The following ITGA1 variants were observed in gnomAD, a reference collection of about 807,000 sequenced individuals.
ITGA1 encodes the protein integrin subunit alpha 1.
ITGA1 carries 85 observed loss-of-function variants against 145.9 expected under a neutral mutation model. That is an observed-to-expected ratio of 0.58 (90% CI 0.49 to 0.70). The LOEUF (loss-of-function observed/expected upper bound fraction) is 0.70, where lower values mean the gene tolerates loss of function less well. ITGA1 is among the 30% of genes least tolerant of loss of function. The pLI is 0.00. For synonymous variants in ITGA1, 520 were observed against 495.3 expected (o/e 1.05, Z -0.66); for missense variants, 1,351 against 1,418.7 (o/e 0.95, Z 0.77).
intron 1 of ITGA1, among the ~76,000 whole-genome samples, chr5:52,798,671 G>A (rs1190418075): frequency 1.3e-5 from 2 of 152,094 alleles, no homozygotes; most frequent in African/African-American, 2.4e-5. Flanking sequence ...ATCTGAATCT[G>A]CATTTTTACG....
chr5:52,789,994 AT>A (rs1748207639), intron 1 of ITGA1, among the ~76,000 whole-genome samples: 1 of 152,218 alleles, frequency 6.6e-6, no homozygotes, highest in South Asian at 2.1e-4. Flanking sequence ...CACTATATTT[AT>A]GCCCATTTCG....
intron 8 of ITGA1, among the ~76,000 whole-genome samples, chr5:52,888,878 T>C (rs1750097763): frequency 6.6e-6 from 1 of 152,130 alleles, no homozygotes; most frequent in South Asian, 2.1e-4. Context: ...TGGCTTAAAG[T>C]CCTCTGATGA....
At chr5:52,873,741 C>T (rs529486600) in intron 6 of ITGA1, among the ~76,000 whole-genome samples, 6 of 152,272 alleles carry the variant, frequency 3.9e-5, no homozygotes, top group African/African-American at 1.4e-4. Context: ...GACATAAAGC[C>T]TGAGCTCTTT....
At chr5:52,870,391 A>G (rs1044068426) in intron 6 of ITGA1, among the ~76,000 whole-genome samples, 9 of 152,198 alleles carry the variant, frequency 5.9e-5, no homozygotes, top group African/African-American at 2.2e-4. Flanking sequence ...TAAGAGCTGG[A>G]CAGAGAACTT....
chr5:52,898,523 C>T (rs1048783056), intron 11 of ITGA1, 140 bp downstream of exon 11: 2 of 785,486 alleles, frequency 2.5e-6, no homozygotes, highest in African/African-American at 3.5e-5. Flanking sequence ...AGAACCCATG[C>T]AAAGTTTTAG....
At chr5:52,870,234 G>A (rs1388000808) in intron 6 of ITGA1, among the ~76,000 whole-genome samples, 1 of 152,116 alleles carries the variant, frequency 6.6e-6, no homozygotes, top group Non-Finnish European at 1.5e-5. Context: ...TTTAATGAAA[G>A]CATTCAATTC....
At chr5:52,913,321 G>A (rs566229000) in intron 14 of ITGA1, among the ~76,000 whole-genome samples, 1 of 152,094 alleles carries the variant, frequency 6.6e-6, no homozygotes, top group Non-Finnish European at 1.5e-5. Flanking sequence ...ATAATAAATT[G>A]CATTAAATTT....
intron 14 of ITGA1, among the ~76,000 whole-genome samples, chr5:52,914,567 T>A (rs547826134): frequency 6.8e-6 from 1 of 146,600 alleles, no homozygotes; most frequent in African/African-American, 2.5e-5. Flanking sequence ...ACCTGGGAAG[T>A]GAAGGTTGCA....
intron 28 of ITGA1, chr5:52,948,711 C>T (rs982727580): frequency 2.0e-5 from 3 of 152,176 alleles, no homozygotes; most frequent in Admixed American, 2.0e-4. Context: ...TTATTGGTGT[C>T]AAGGTTGTAC....
At chr5:52,876,612 C>T (rs556230002) in intron 6 of ITGA1, among the ~76,000 whole-genome samples, 7 of 152,004 alleles carry the variant, frequency 4.6e-5, no homozygotes, top group East Asian at 1.9e-4. Flanking sequence ...TTTGCTTATG[C>T]GAAATGTTAC....
intron 8 of ITGA1, among the ~76,000 whole-genome samples, chr5:52,892,233 G>A (rs1405482191): frequency 1.3e-5 from 2 of 152,074 alleles, no homozygotes; most frequent in Admixed American, 6.6e-5. Context: ...TTGTATGAAA[G>A]AGTCTCAACA....
chr5:52,906,103 A>G (rs1312189357), intron 12 of ITGA1, among the ~76,000 whole-genome samples, 195 bp downstream of exon 12: 1 of 152,204 alleles, frequency 6.6e-6, no homozygotes, highest in Non-Finnish European at 1.5e-5. Flanking sequence ...GTGTGGAGGT[A>G]AGATATACAA....
At chr5:52,834,745 A>G (rs1295215943) in intron 1 of ITGA1, among the ~76,000 whole-genome samples, 1 of 152,034 alleles carries the variant, frequency 6.6e-6, no homozygotes, top group African/African-American at 2.4e-5. Flanking sequence ...GAGATCTGGT[A>G]TCCCTTTCTT....
rs1751263478 is a variant in ITGA1 at position 52,953,737 on chromosome 5, T to A, written c.*1286T>A. The A allele has an allele frequency of 6.6e-6, 1 of 152,204 alleles. No individual in the cohort carries two copies. The highest frequency in any genetic ancestry group is 6.5e-5 in the Admixed American group (1 of 15,276). 9.4% of individuals were successfully genotyped at this position (152,204 alleles called of 1,614,324 possible). A position where few individuals can be genotyped will look rare whatever the true frequency, so the allele number is the denominator to read the frequency against. On this transcript the variant is annotated 3_prime_UTR_variant, in exon 29 of 29. Coordinates refer to ENST00000282588, the MANE Select transcript of ITGA1 (RefSeq NM_181501.2). The stretch of plus-strand genomic sequence containing the variant: ...ACTGTAGCATAAGCTCCTAGGTTGC[T>A]CCATTTCTTAGGAAAATAGCAATGA...
At chr5:52,951,168 C>A (rs1230399719) in intron 28 of ITGA1, among the ~76,000 whole-genome samples, 2 of 152,032 alleles carry the variant, frequency 1.3e-5, no homozygotes, top group Non-Finnish European at 2.9e-5. Context: ...ATTTTATAAA[C>A]ACATAGTTCC....
At chr5:52,904,535 T>G (rs914911746) in intron 11 of ITGA1, 1 of 152,074 alleles carries the variant, frequency 6.6e-6, no homozygotes, top group Admixed American at 6.5e-5. Context: ...CAATCAAAAT[T>G]TTAAAGAGCA....
intron 6 of ITGA1, among the ~76,000 whole-genome samples, chr5:52,880,990 G>A (rs997370015): frequency 6.6e-6 from 1 of 152,146 alleles, no homozygotes; most frequent in East Asian, 1.9e-4. Flanking sequence ...ATCAAATCTG[G>A]GGGCACTTTC....
intron 16 of ITGA1, among the ~76,000 whole-genome samples, chr5:52,919,384 C>T (rs1280012408): frequency 6.6e-6 from 1 of 152,086 alleles, no homozygotes; most frequent in Non-Finnish European, 1.5e-5. Context: ...CCCTAGTTTC[C>T]GAGAGTCAGA....
intron 1 of ITGA1, among the ~76,000 whole-genome samples, chr5:52,814,222 C>A (rs1040015473): frequency 7.9e-5 from 12 of 152,208 alleles, no homozygotes; most frequent in Admixed American, 4.6e-4. Flanking sequence ...TCTCAGCTCA[C>A]TGCAACCTCA....
Sources: allele counts gnomAD v4.1 joint callset (sites outside exome capture counted in the v4.1 genomes callset), GRCh38; gene constraint gnomAD v4.1.1; transcripts MANE v1.5; gene names NCBI Gene and HGNC (gene_info 2026-07-23, HGNC 2026-07-21).